Variants in NAV2 observed in about 807,000 individuals in gnomAD.
NAV2 encodes helicase, APC down-regulated 1.
Under a neutral mutation model 223.2 loss-of-function variants are expected in NAV2, and 54 were observed. The observed-to-expected ratio is 0.24, with a 90% CI of 0.19 to 0.30. The LOEUF (loss-of-function observed/expected upper bound fraction) is 0.30, where lower values mean the gene tolerates loss of function less well. NAV2 is among the 10% of genes least tolerant of loss of function. The probability of loss-of-function intolerance (pLI) is 1.00; values close to 1 mark genes in which losing one functional copy is unlikely to be tolerated. For missense variants in NAV2, 2,806 were observed against 3,147.5 expected (o/e 0.89, Z 2.60); for synonymous variants, 1,279 against 1,239.3 (o/e 1.03, Z -0.67).
intron 20 of NAV2, among the ~76,000 whole-genome samples, chr11:20,063,174 T>A (rs897604792): frequency 6.6e-6 from 1 of 152,186 alleles, no homozygotes; most frequent in African/African-American, 2.4e-5. Flanking sequence ...AGGTATTTTT[T>A]AAGTAGGTTT....
At chr11:19,969,439 C>A (rs2049036808) in intron 10 of NAV2, among the ~76,000 whole-genome samples, 1 of 152,150 alleles carries the variant, frequency 6.6e-6, no homozygotes, top group Admixed American at 6.5e-5. Context: ...TGCAAGGATG[C>A]ATCTTATTTC....
chr11:19,474,207 A>T (rs2042049709), intron 1 of NAV2, among the ~76,000 whole-genome samples: 1 of 152,220 alleles, frequency 6.6e-6, no homozygotes, highest in African/African-American at 2.4e-5. Flanking sequence ...TTCTCATGTC[A>T]GCTCTGAAGA....
intron 1 of NAV2, among the ~76,000 whole-genome samples, chr11:19,698,432 C>A (rs2049411762): frequency 1.3e-5 from 2 of 152,216 alleles, no homozygotes; most frequent in African/African-American, 2.4e-5. Flanking sequence ...ATTGAATAAA[C>A]CCCTTATTTT....
chr11:19,806,442 A>T (rs530682535), intron 1 of NAV2, among the ~76,000 whole-genome samples: 6 of 152,238 alleles, frequency 3.9e-5, no homozygotes, highest in Admixed American at 6.5e-5. Context: ...AATTTGGAAC[A>T]TGATCAGGCC....
At chr11:19,407,101 G>A (rs961167745) in intron 1 of NAV2, among the ~76,000 whole-genome samples, 1 of 152,172 alleles carries the variant, frequency 6.6e-6, no homozygotes, top group African/African-American at 2.4e-5. Context: ...ATGTGTGTGT[G>A]GCCCACTTAG....
intron 1 of NAV2, among the ~76,000 whole-genome samples, chr11:19,575,897 G>A (rs755395978): frequency 6.6e-6 from 1 of 152,192 alleles, no homozygotes; most frequent in Non-Finnish European, 1.5e-5. Context: ...GTGTTCCCTA[G>A]TTTTAAGTTG....
At chr11:20,070,135 G>A (rs189103004) in intron 22 of NAV2, among the ~76,000 whole-genome samples, 25 of 152,290 alleles carry the variant, frequency 1.6e-4, no homozygotes, top group Non-Finnish European at 7.4e-5. Context: ...ATTCTGAGGC[G>A]TAGGTCCTGT....
At chr11:19,752,027 C>G (rs1323638750) in intron 1 of NAV2, among the ~76,000 whole-genome samples, 1 of 152,184 alleles carries the variant, frequency 6.6e-6, no homozygotes, top group Non-Finnish European at 1.5e-5. Context: ...CTTTCATGTT[C>G]TCACCGTCCC....
chr11:19,900,438 A>G (rs2042357507), intron 6 of NAV2, among the ~76,000 whole-genome samples: 1 of 152,166 alleles, frequency 6.6e-6, no homozygotes, highest in East Asian at 1.9e-4. Context: ...GCCAAATGTC[A>G]TGGTCACCAA....
At chr11:19,818,837 G>A (rs2059237298) in intron 1 of NAV2, among the ~76,000 whole-genome samples, 2 of 152,168 alleles carry the variant, frequency 1.3e-5, no homozygotes, top group South Asian at 4.1e-4. Flanking sequence ...GAAATATGTT[G>A]GTTTTATGGA....
intron 6 of NAV2, among the ~76,000 whole-genome samples, chr11:19,923,541 C>A (rs1045098529): frequency 3.9e-5 from 6 of 152,188 alleles, no homozygotes. Context: ...TGGGGCTGCC[C>A]ATCCTTGCCC....
chr11:20,005,334 T>C (rs2250332), intron 11 of NAV2, among the ~76,000 whole-genome samples: 149,986 of 150,276 alleles, frequency 1, 74,852 homozygotes, highest in Middle Eastern at 1. Context: ...GAACCTCTGC[T>C]TCCCGGGTTC....
intron 1 of NAV2, among the ~76,000 whole-genome samples, chr11:19,688,596 T>G (rs2049085786): frequency 6.6e-6 from 1 of 152,220 alleles, no homozygotes; most frequent in South Asian, 2.1e-4. Flanking sequence ...CTTTTCAAAT[T>G]TCAAAGACAA....
chr11:19,362,317 T>G (rs1213520426), intron 1 of NAV2, among the ~76,000 whole-genome samples: 1 of 152,224 alleles, frequency 6.6e-6, no homozygotes, highest in East Asian at 1.9e-4. Flanking sequence ...AACATTCCAC[T>G]GATCTAATTT....
At chr11:19,871,657 T>A (rs1395101467) in intron 4 of NAV2, among the ~76,000 whole-genome samples, 1 of 152,162 alleles carries the variant, frequency 6.6e-6, no homozygotes, top group East Asian at 1.9e-4. Context: ...CAGGAACGTG[T>A]GGGCTCCATT....
At chr11:19,567,811 A>T (rs1004036181) in intron 1 of NAV2, among the ~76,000 whole-genome samples, 1 of 152,140 alleles carries the variant, frequency 6.6e-6, no homozygotes, top group African/African-American at 2.4e-5. Flanking sequence ...ATCCTCCAGG[A>T]ACCTACTCAC....
At chr11:20,083,959 T>G (rs1733607831) in intron 26 of NAV2, among the ~76,000 whole-genome samples, 1 of 152,224 alleles carries the variant, frequency 6.6e-6, no homozygotes, top group South Asian at 2.1e-4. Context: ...AGGCCCTGCC[T>G]TAGCAGCTTA....
chr11:19,782,099 T>A (rs910058163), intron 1 of NAV2, among the ~76,000 whole-genome samples: 1 of 152,186 alleles, frequency 6.6e-6, no homozygotes, highest in Admixed American at 6.5e-5. Flanking sequence ...GATTTGACCA[T>A]CTCCCAGGTA....
At chr11:19,454,544 T>C (rs1403660925) in intron 1 of NAV2, among the ~76,000 whole-genome samples, 2 of 152,266 alleles carry the variant, frequency 1.3e-5, no homozygotes, top group Non-Finnish European at 2.9e-5. Context: ...GGGATCCTGT[T>C]TGTTTGCAAG....
Sources: allele counts gnomAD v4.1 joint callset (sites outside exome capture counted in the v4.1 genomes callset), GRCh38; gene constraint gnomAD v4.1.1; transcripts MANE v1.5; gene names NCBI Gene and HGNC (gene_info 2026-07-23, HGNC 2026-07-21).